The following AP3M1 variants were observed in gnomAD, a reference collection of about 807,000 sequenced individuals.
AP3M1 encodes AP-3 complex subunit mu-1.
A neutral mutation model predicts 42.6 loss-of-function variants in AP3M1; 29 were observed. The observed-to-expected ratio is 0.68, with a 90% CI of 0.51 to 0.93. The LOEUF (loss-of-function observed/expected upper bound fraction) is 0.93, where lower values mean the gene tolerates loss of function less well. AP3M1 is among the 40% of genes least tolerant of loss of function. The probability of loss-of-function intolerance (pLI) is 0.00; values close to 1 mark genes in which losing one functional copy is unlikely to be tolerated. For missense variants in AP3M1, 416 were observed against 510.2 expected, an observed-to-expected ratio of 0.82 and a Z score of 1.78; for synonymous variants, 178 against 175.3, an observed-to-expected ratio of 1.02 and a Z score of -0.12.
chr10:74,138,057 T>C (rs765879943), intron 2 of AP3M1, 50 bp downstream of exon 2: 1 of 1,560,100 alleles, frequency 6.4e-7, no homozygotes. Flanking sequence ...ATGTCTCACC[T>C]TCAGCTAACT....
At chr10:74,141,953 C>T (rs1164105963) in intron 1 of AP3M1, among the ~76,000 whole-genome samples, 1 of 151,284 alleles carries the variant, frequency 6.6e-6, no homozygotes, top group Non-Finnish European at 1.5e-5. Context: ...GAACTCCTGA[C>T]CTCGTGATCC....
rs1840453711 is a variant in AP3M1 at position 74,121,385 on chromosome 10, C to T, written c.*2425G>A. On this transcript the variant is annotated 3_prime_UTR_variant, in exon 9 of 9. Coordinates refer to ENST00000355264, the MANE Select transcript of AP3M1 (RefSeq NM_012095.6). ...CCCACACGCAGGAAAGAATCATTTA[C>T]TTCATTTGCTCTTGATATACTCCCT... is the stretch of plus-strand genomic sequence containing the variant. 1 of 151,874 alleles carries T rather than the reference C, an allele frequency of 6.6e-6. No individual in the cohort carries two copies. The highest frequency in any genetic ancestry group is 1.5e-5 in the Non-Finnish European group (1 of 68,032). 9.4% of individuals were successfully genotyped at this position (151,874 alleles called of 1,614,324 possible).
intron 1 of AP3M1, among the ~76,000 whole-genome samples, chr10:74,148,982 C>T (rs1164238964): frequency 6.6e-6 from 1 of 151,746 alleles, no homozygotes; most frequent in Non-Finnish European, 1.5e-5. Context: ...AAGCGATTCT[C>T]CTGCCTCAAC....
rs1369896842 is a variant in AP3M1, at chr10:74,138,336, AAT to A, written c.42_43del (p.Phe15SerfsTer15). On this transcript the variant is annotated frameshift_variant, in exon 2 of 9. Transcript: ENST00000355264. LOFTEE classifies it high-confidence loss of function. Reference sequence around the variant, plus strand: ...AACGCTCTTCCAGTGCTTCTCTAGAAATATGTCACCGGAACAGTTTATGAGAA... The same window carrying A: ...AACGCTCTTCCAGTGCTTCTCTAGAAATGTCACCGGAACAGTTTATGAGAA... 1.9e-6 allele frequency: 3 copies of A among 1,614,158 alleles called. No homozygotes were observed. Among genetic ancestry groups the A allele is most frequent in the Non-Finnish European group, 2.5e-6 (3 of 1,180,020 alleles).
chr10:74,144,578 A>G (rs761064737), intron 1 of AP3M1, among the ~76,000 whole-genome samples: 12 of 152,112 alleles, frequency 7.9e-5, no homozygotes, highest in Non-Finnish European at 1.8e-4. Flanking sequence ...CTGAAGTTTT[A>G]ATTTTAATTA....
At position 74,136,752 on chromosome 10, in the gene AP3M1, C is replaced by T; in HGVS notation, c.325G>A (p.Val109Ile). 1 of 1,571,560 alleles carries T rather than the reference C, an allele frequency of 6.4e-7. No homozygotes were observed. The highest frequency in any genetic ancestry group is 8.7e-7 in the Non-Finnish European group (1 of 1,148,616). Residue 109 changes from valine (V) to isoleucine (I), a missense_variant, in exon 3 of 9, where the codon GTA becomes ATA. Coordinates refer to ENST00000355264, the MANE Select transcript of AP3M1 (RefSeq NM_012095.6). ...AACATTTCTTCTAAGAGTTCATATA[C>T]TATGACCACATTATCCTTAATTGCA... is the stretch of plus-strand genomic sequence containing the variant. ...EAAIKDNVVI[V>I]YELLEEMLDN...
intron 1 of AP3M1, among the ~76,000 whole-genome samples, chr10:74,145,029 A>T (rs1354686643): frequency 6.6e-6 from 1 of 152,200 alleles, no homozygotes; most frequent in African/African-American, 2.4e-5. Context: ...AAGACATTCT[A>T]GTTGTTATGC....
chr10:74,143,671 T>A (rs1841229346), intron 1 of AP3M1, among the ~76,000 whole-genome samples: 1 of 152,216 alleles, frequency 6.6e-6, no homozygotes, highest in African/African-American at 2.4e-5. Flanking sequence ...TTATCCCCAT[T>A]TTACAGATAA....
At chr10:74,148,224 G>C (rs1479477444) in intron 1 of AP3M1, among the ~76,000 whole-genome samples, 1 of 152,132 alleles carries the variant, frequency 6.6e-6, no homozygotes, top group Non-Finnish European at 1.5e-5. Flanking sequence ...AATAGAGGGG[G>C]AAAAGCTGAC....
At chr10:74,138,000 GAGAC>G (rs1840998334) in intron 2 of AP3M1, 103 bp downstream of exon 2, 2 of 1,181,662 alleles carry the variant, frequency 1.7e-6, no homozygotes, top group Non-Finnish European at 2.3e-6. Flanking sequence ...TAAACAGAGA[GAGAC>G]AGACAGTAAA....
intron 4 of AP3M1, among the ~76,000 whole-genome samples, chr10:74,132,570 C>T (rs1026706440): frequency 6.6e-6 from 1 of 151,714 alleles, no homozygotes; most frequent in Admixed American, 6.6e-5. Context: ...TGGCGTGTGG[C>T]GTGTACCTCC....
intron 6 of AP3M1, among the ~76,000 whole-genome samples, chr10:74,126,906 G>A (rs562862497): frequency 1.7e-3 from 222 of 133,796 alleles, no homozygotes; most frequent in Non-Finnish European, 2.8e-3. Context: ...GGGAAGCGGA[G>A]ATTGCAGTGA....
intron 2 of AP3M1, among the ~76,000 whole-genome samples, chr10:74,137,239 CAAACAAAACAAAACAAAACA>C (rs374186440): frequency 6.6e-6 from 1 of 151,146 alleles, no homozygotes; most frequent in Admixed American, 6.6e-5. Context: ...GACTCCGTCT[CAAACAAAACAAAACAAAACA>C]AAACAAAACA....
intron 4 of AP3M1, among the ~76,000 whole-genome samples, chr10:74,130,642 T>C (rs879361994): frequency 1.2e-4 from 18 of 152,052 alleles, no homozygotes; most frequent in Non-Finnish European, 2.2e-4. Context: ...AGGGTCTTGT[T>C]ATGTTGCCCA....
intron 1 of AP3M1, among the ~76,000 whole-genome samples, chr10:74,143,641 C>T (rs1841227712): frequency 6.6e-6 from 1 of 152,168 alleles, no homozygotes; most frequent in Non-Finnish European, 1.5e-5. Flanking sequence ...TTTCACAATG[C>T]TACACCATAA....
At chr10:74,129,069 T>C (rs766136178) in intron 6 of AP3M1, 39 bp downstream of exon 6, 8 of 1,609,990 alleles carry the variant, frequency 5.0e-6, no homozygotes, top group African/African-American at 2.7e-5. Flanking sequence ...TTGTACTTGA[T>C]ATGTATGATG....
intron 4 of AP3M1, 30 bp downstream of exon 4, chr10:74,133,997 C>A (rs1186421047): frequency 6.2e-7 from 1 of 1,609,890 alleles, no homozygotes; most frequent in South Asian, 1.1e-5. Flanking sequence ...AATTGTTTTT[C>A]CCCAAATAAG....
intron 4 of AP3M1, among the ~76,000 whole-genome samples, chr10:74,132,557 T>TG (rs1840811485): frequency 6.6e-6 from 1 of 151,610 alleles, no homozygotes; most frequent in South Asian, 2.1e-4. Context: ...TAGCCAGGCA[T>TG]GGTGGCGTGT....
In AP3M1 at chr10:74,129,096, G is replaced by A. The variant is rs1467612001; in HGVS notation, c.803+12C>T. The A allele has an allele frequency of 1.2e-6, 2 of 1,613,278 alleles. No homozygotes were observed. Among genetic ancestry groups the A allele is most frequent in the Admixed American group, 1.7e-5 (1 of 59,902 alleles). On this transcript the variant is annotated intron_variant, in intron 6 of 8. Coordinates refer to ENST00000355264, the MANE Select transcript of AP3M1 (RefSeq NM_012095.6). ...TGTATGATGGCAGATTCTGGCTGAT[G>A]CATCAACATACTTTTGTGAGCTGAC...
Sources: allele counts gnomAD v4.1 joint callset (sites outside exome capture counted in the v4.1 genomes callset), GRCh38; gene constraint gnomAD v4.1.1; transcripts MANE v1.5; gene names NCBI Gene and HGNC (gene_info 2026-07-23, HGNC 2026-07-21).